Variants in NPC1 observed in about 807,000 individuals in gnomAD.
The protein encoded by NPC1 is NPC intracellular cholesterol transporter 1.
Under a neutral mutation model 140.4 loss-of-function variants are expected in NPC1, and 85 were observed. That is an observed-to-expected ratio of 0.61 (90% CI 0.51 to 0.72). The LOEUF is 0.72. Ranked by LOEUF, NPC1 falls within the 30% of genes least tolerant of loss-of-function variation. NPC1 has a pLI of 0.00. For synonymous variants in NPC1, 656 were observed against 624.8 expected (o/e 1.05, Z -0.74); for missense variants, 1,504 against 1,623.8 (o/e 0.93, Z 1.27).
chr18:23,534,950 C>T (rs1026071026), intron 22 of NPC1, among the ~76,000 whole-genome samples: 2 of 152,162 alleles, frequency 1.3e-5, no homozygotes, highest in Non-Finnish European at 2.9e-5. Context: ...TGAATACCTT[C>T]TCAAGTGCTC....
At chr18:23,579,024 C>T (rs1599022975) in intron 1 of NPC1, among the ~76,000 whole-genome samples, 1 of 152,314 alleles carries the variant, frequency 6.6e-6, no homozygotes, top group East Asian at 1.9e-4. Context: ...CTTCCCACTG[C>T]CTGTGCGACA....
At chr18:23,530,161 T>C (rs1389520232), downstream of NPC1, 4 of 1,613,680 alleles carry the variant, frequency 2.5e-6, no homozygotes, top group South Asian at 1.1e-5. Flanking sequence ...TTACTTCCAT[T>C]GTGGTTAAAA....
At chr18:23,530,745 C>T (rs1270839753), downstream of NPC1, 3 of 766,346 alleles carry the variant, frequency 3.9e-6, no homozygotes, top group East Asian at 5.4e-5. Context: ...CCACCTAGCC[C>T]TTGGCCCATT....
At chr18:23,567,853 A>G (rs1171180353) in intron 4 of NPC1, among the ~76,000 whole-genome samples, 2 of 152,250 alleles carry the variant, frequency 1.3e-5, no homozygotes, top group African/African-American at 4.8e-5. Context: ...CACAGTTGAA[A>G]TTGACCAACT....
chr18:23,540,619 A>C, intron 16 of NPC1, 82 bp from the exon 17 acceptor site: 1 of 1,046,622 alleles, frequency 9.6e-7, no homozygotes, highest in Admixed American at 1.8e-5. Flanking sequence ...AGCACACACA[A>C]AAAGCAGGAT....
intron 14 of NPC1, among the ~76,000 whole-genome samples, chr18:23,542,723 T>G (rs1268351485): frequency 2.0e-5 from 3 of 152,230 alleles, no homozygotes; most frequent in Non-Finnish European, 4.4e-5. Flanking sequence ...AGACTGCCTT[T>G]GAAAACAACG....
chr18:23,527,859 T>C, downstream of NPC1: 1 of 1,614,136 alleles, frequency 6.2e-7, no homozygotes, highest in Middle Eastern at 1.6e-4. Flanking sequence ...AACTCAACCA[T>C]GAGTATAAAA....
chr18:23,541,171 G>A lies in NPC1; in HGVS notation c.2411C>T (p.Ala804Val). 6.2e-7 allele frequency: 1 copy of A among 1,614,204 alleles called. No individual in the cohort carries two copies. The change falls in exon 16 of 25, where the codon GCT (alanine) becomes GTT (valine). Residue 804 changes from alanine to valine, a missense_variant. By Grantham distance (64) the Ala-to-Val change is moderately conservative. Coordinates refer to ENST00000269228, the MANE Select transcript of NPC1 (RefSeq NM_000271.5). ...RLDIFCCVRGAEDGTSVQASE... is the reference protein window; with the variant it reads ...RLDIFCCVRGVEDGTSVQASE... The stretch of plus-strand genomic sequence containing the variant: ...GGCCTGGACGCTTGTTCCATCTTCA[G>A]CACCTCTGACACAGCAAAAGATGTC...
chr18:23,535,613 C>T lies in NPC1; in HGVS notation c.3333G>A (p.Leu1111=). The T allele has an allele frequency of 6.2e-7, 1 of 1,614,106 alleles. No individual in the cohort carries two copies. Among genetic ancestry groups the T allele is most frequent in the Non-Finnish European group, 8.5e-7 (1 of 1,180,012 alleles). ...NLGVSLGAIF[L]VTMVLLGCEL... is the part of the protein sequence containing the mutation. ...CACAGCCCAGGAGGACCATGGTCACCAGAAATATCGCGCCCAGGGACACAC... is the reference window on the plus strand; with the variant it reads ...CACAGCCCAGGAGGACCATGGTCACTAGAAATATCGCGCCCAGGGACACAC... Residue 1111 remains leucine (L), a synonymous_variant, in exon 22 of 25, where the codon CTG becomes CTA. Transcript: ENST00000269228.
chr18:23,540,148 T>G, intron 17 of NPC1, 147 bp from the exon 18 acceptor site: 2 of 753,300 alleles, frequency 2.7e-6, no homozygotes, highest in South Asian at 1.5e-5. Context: ...ACCACCAGTC[T>G]TCCCCCCAGG....
chr18:23,511,431 T>C (rs1217444023), intron 3 of NPC1, among the ~76,000 whole-genome samples: 1 of 152,110 alleles, frequency 6.6e-6, no homozygotes, highest in Non-Finnish European at 1.5e-5. Flanking sequence ...GTGACATGAG[T>C]TTACGTATGT....
intron 1 of NPC1, chr18:23,524,258 A>G: frequency 1.3e-6 from 2 of 1,556,670 alleles, no homozygotes; most frequent in South Asian, 2.2e-5. Context: ...TCCTCCGGGC[A>G]GCTGTGAATA....
chr18:23,541,286 T>C lies in NPC1; in HGVS notation c.2373+20A>G, dbSNP rs973736460. 6.2e-7 allele frequency: 1 copy of C among 1,614,206 alleles called. No homozygotes were observed. Among genetic ancestry groups the C allele is most frequent in the African/African-American group, 1.3e-5 (1 of 75,042 alleles). On this transcript the variant is annotated intron_variant, in intron 15 of 24. Transcript: ENST00000269228. ...TTCTAGACTCAAATTAAATAGACTA[T>C]AATCCTGGCACCAACTTACCTCTTG...
chr18:23,524,174 T>C, intron 1 of NPC1: 2 of 1,613,738 alleles, frequency 1.2e-6, no homozygotes, highest in Non-Finnish European at 1.7e-6. Flanking sequence ...ATGTAAACTC[T>C]GTATCCTTTA....
intron 1 of NPC1, among the ~76,000 whole-genome samples, chr18:23,523,313 G>C (rs896016317): frequency 6.6e-6 from 1 of 152,042 alleles, no homozygotes; most frequent in African/African-American, 2.4e-5. Context: ...AGTATAACTG[G>C]TTGTTAACGG....
chr18:23,516,828 C>T (rs1045021142), intron 3 of NPC1, among the ~76,000 whole-genome samples: 6 of 150,348 alleles, frequency 4.0e-5, no homozygotes, highest in Non-Finnish European at 5.9e-5. Context: ...CAGGCTCAAA[C>T]GATTCTTCTG....
rs2057861043 is a variant in NPC1 at position 23,511,632 on chromosome 18, T to A, written c.432-4990A>T. Among the ~76,000 whole-genome samples, 2 of 152,170 alleles carry A rather than the reference T, an allele frequency of 1.3e-5. 1 individual carries two copies. The highest frequency in any genetic ancestry group is 4.1e-4 in the South Asian group (2 of 4,832). On this transcript the variant is annotated intron_variant, in intron 3 of 3. Coordinates refer to the NPC1 transcript ENST00000591107. ...CTTTTTAACAAAAAGGGGAATGTTG[T>A]ATATAAACTTTTGCAGCTAGCTTTT...
chr18:23,551,430 G>A, intron 10 of NPC1, 197 bp downstream of exon 10: 1 of 621,122 alleles, frequency 1.6e-6, no homozygotes, highest in South Asian at 1.8e-5. Context: ...CCTAAAAATG[G>A]CTAACCCAAT....
chr18:23,538,776 G>C (rs551295723), intron 19 of NPC1, 105 bp from the exon 20 acceptor site: 1 of 1,236,478 alleles, frequency 8.1e-7, no homozygotes, highest in Non-Finnish European at 1.2e-6. Context: ...CTTCTCTATC[G>C]ATTACTTTCC....
Sources: gnomAD v4.1 joint callset for allele counts (sites outside exome capture counted in the v4.1 genomes callset) on GRCh38, gnomAD v4.1.1 for gene constraint, MANE v1.5 for transcripts, NCBI Gene and HGNC (gene_info 2026-07-23, HGNC 2026-07-21) for gene names.